The following HERPUD2 variants were observed in gnomAD, a reference collection of about 807,000 sequenced individuals.
HERPUD2 encodes the protein HERPUD family member 2, also known as homocysteine-responsive endoplasmic reticulum-resident ubiquitin-like domain member 2 protein.
In HERPUD2, 13 loss-of-function variants were observed where a neutral mutation model predicts 49.9. That is an observed-to-expected ratio of 0.26 (90% CI 0.17 to 0.41). HERPUD2 has a LOEUF of 0.41. Among genes scored for constraint, HERPUD2 ranks in the 10% least tolerant of loss-of-function variants. HERPUD2 has a pLI of 1.00. For synonymous variants in HERPUD2, 172 were observed against 171.4 expected, an observed-to-expected ratio of 1.00 and a Z score of -0.03; for missense variants, 449 against 492.2, an observed-to-expected ratio of 0.91 and a Z score of 0.83.
chr7:35,657,238 G>A (rs186901063), intron 5 of HERPUD2, among the ~76,000 whole-genome samples: 14 of 152,106 alleles, frequency 9.2e-5, no homozygotes, highest in Admixed American at 8.5e-4. Flanking sequence ...GACATACAAT[G>A]GCAAACAGGT....
At chr7:35,670,148 G>T in intron 4 of HERPUD2, 67 bp downstream of exon 4, 5 of 695,832 alleles carry the variant, frequency 7.2e-6, no homozygotes, top group South Asian at 2.5e-5. Context: ...GTTTTTAGAG[G>T]CAAAAAATAA....
At chr7:35,688,883 TCAC>T (rs1257145771) in intron 2 of HERPUD2, among the ~76,000 whole-genome samples, 1 of 151,394 alleles carries the variant, frequency 6.6e-6, no homozygotes, top group Non-Finnish European at 1.5e-5. Context: ...AAAAAAAAAA[TCAC>T]CAAGCCTCGG....
At chr7:35,682,790 T>G (rs7799682) in intron 2 of HERPUD2, among the ~76,000 whole-genome samples, 47 of 141,396 alleles carry the variant, frequency 3.3e-4, no homozygotes, top group African/African-American at 1.2e-3. Flanking sequence ...AAGCGGAGAA[T>G]CAAAACGAGA....
At chr7:35,693,089 C>A (rs1414451143) in intron 2 of HERPUD2, among the ~76,000 whole-genome samples, 3 of 152,216 alleles carry the variant, frequency 2.0e-5, no homozygotes, top group Non-Finnish European at 2.9e-5. Flanking sequence ...TGACGGTATA[C>A]TTCTTTTCTA....
chr7:35,662,234 G>C (rs541401913), intron 5 of HERPUD2, among the ~76,000 whole-genome samples: 1 of 152,134 alleles, frequency 6.6e-6, no homozygotes, highest in South Asian at 2.1e-4. Flanking sequence ...TGACTTGATC[G>C]TGGTGGATAA....
chr7:35,682,604 C>G (rs772020498), intron 2 of HERPUD2, among the ~76,000 whole-genome samples: 4 of 151,400 alleles, frequency 2.6e-5, no homozygotes, highest in African/African-American at 9.7e-5. Context: ...GCATCCAAAT[C>G]GGTAAAGAGG....
At chr7:35,645,739 A>G (rs74598678) in intron 5 of HERPUD2, among the ~76,000 whole-genome samples, 12,609 of 152,272 alleles carry the variant, frequency 0.083, 750 homozygotes, top group South Asian at 0.21. Context: ...TACTGCATAG[A>G]AAGTATGCCA....
intron 5 of HERPUD2, among the ~76,000 whole-genome samples, chr7:35,656,889 T>A (rs1785286895): frequency 6.6e-6 from 1 of 151,618 alleles, no homozygotes. Context: ...ACTTAAACTT[T>A]GAAGACCTGA....
chr7:35,659,609 TAGAGA>T (rs1785365184), intron 5 of HERPUD2, among the ~76,000 whole-genome samples: 1 of 152,280 alleles, frequency 6.6e-6, no homozygotes, highest in South Asian at 2.1e-4. Context: ...GGAAGCACAG[TAGAGA>T]AGAGACTTGC....
chr7:35,659,534 C>T (rs1785362989), intron 5 of HERPUD2, among the ~76,000 whole-genome samples: 1 of 152,176 alleles, frequency 6.6e-6, no homozygotes, highest in Non-Finnish European at 1.5e-5. Flanking sequence ...TTTATGGACA[C>T]TAACTCTTTT....
intron 5 of HERPUD2, among the ~76,000 whole-genome samples, chr7:35,641,532 A>T (rs1784967434): frequency 6.6e-6 from 1 of 152,244 alleles, no homozygotes; most frequent in South Asian, 2.1e-4. Flanking sequence ...CCCAGGCAAA[A>T]GGAAGAAAGA....
intron 2 of HERPUD2, among the ~76,000 whole-genome samples, chr7:35,682,542 AT>A (rs1351528083): frequency 6.6e-6 from 1 of 151,498 alleles, no homozygotes; most frequent in Non-Finnish European, 1.5e-5. Flanking sequence ...CCTTTCCAAC[AT>A]AGTACTCTAA....
At chr7:35,650,589 G>A (rs1447767907) in intron 5 of HERPUD2, among the ~76,000 whole-genome samples, 1 of 152,108 alleles carries the variant, frequency 6.6e-6, no homozygotes, top group Non-Finnish European at 1.5e-5. Flanking sequence ...GAGCTTCACT[G>A]AGATCCCCTG....
At chr7:35,694,672 C>G (rs1786277632) in intron 1 of HERPUD2, 45 bp from the exon 2 acceptor site, 1 of 274,448 alleles carries the variant, frequency 3.6e-6, no homozygotes, top group African/African-American at 2.1e-5. Context: ...AACGGCCGGC[C>G]CGGGGTCACT....
intron 5 of HERPUD2, among the ~76,000 whole-genome samples, chr7:35,658,634 G>C (rs971503488): frequency 6.6e-6 from 1 of 152,074 alleles, no homozygotes; most frequent in Non-Finnish European, 1.5e-5. Flanking sequence ...CAATATAGAT[G>C]GGTACAATAA....
intron 2 of HERPUD2, among the ~76,000 whole-genome samples, chr7:35,692,748 G>A (rs796838951): frequency 2.4e-4 from 37 of 152,112 alleles, no homozygotes; most frequent in African/African-American, 8.2e-4. Context: ...TGCAATAACC[G>A]TCCTATTTCT....
intron 5 of HERPUD2, among the ~76,000 whole-genome samples, chr7:35,660,041 C>T (rs1424368024): frequency 6.6e-6 from 1 of 152,166 alleles, no homozygotes; most frequent in Non-Finnish European, 1.5e-5. Flanking sequence ...CCCAACCCCA[C>T]AACAGGCCCC....
In HERPUD2 at chr7:35,694,782, T is replaced by G. The variant is rs1786282107; in HGVS notation, c.-298+19A>C. The G allele has an allele frequency of 6.4e-6, 1 of 156,138 alleles. No individual in the cohort carries two copies. The highest frequency in any genetic ancestry group is 1.4e-5 in the Non-Finnish European group (1 of 70,354). 9.7% of individuals were successfully genotyped at this position (156,138 alleles called of 1,614,324 possible). ...GAAGCAGCTGGGCCGCTCAGGGCGG[T>G]CAGCGGGCACTGGGGTACCTGAGAG... is the stretch of plus-strand genomic sequence containing the variant. On this transcript the variant is annotated intron_variant, in intron 1 of 8. Coordinates refer to ENST00000311350, the MANE Select transcript of HERPUD2 (RefSeq NM_022373.5).
chr7:35,638,737 T>C (rs1784915489), intron 5 of HERPUD2, among the ~76,000 whole-genome samples: 1 of 152,188 alleles, frequency 6.6e-6, no homozygotes. Flanking sequence ...GTACATCCAA[T>C]CTAAACATTT....
Sources: gnomAD v4.1 joint callset for allele counts (sites outside exome capture counted in the v4.1 genomes callset) on GRCh38, gnomAD v4.1.1 for gene constraint, MANE v1.5 for transcripts, NCBI Gene and HGNC (gene_info 2026-07-23, HGNC 2026-07-21) for gene names.